PLEKHA7: variants seen among roughly 807,000 people sequenced by gnomAD.
PLEKHA7 encodes pleckstrin homology domain containing A7, also known as pleckstrin homology domain-containing family A member 7.
A neutral mutation model predicts 170.0 loss-of-function variants in PLEKHA7; 104 were observed. The ratio of observed to expected loss-of-function variants is 0.61; its 90% CI spans 0.52 to 0.72. The LOEUF is 0.72. Ranked by LOEUF, PLEKHA7 falls within the 30% of genes least tolerant of loss-of-function variation. PLEKHA7 has a pLI of 0.00. For missense variants in PLEKHA7, 1,615 were observed against 1,671.7 expected (o/e 0.97, Z 0.59); for synonymous variants, 648 against 660.8 (o/e 0.98, Z 0.30).
At chr11:16,982,780 T>C (rs868416907) in intron 3 of PLEKHA7, among the ~76,000 whole-genome samples, 37 of 144,112 alleles carry the variant, frequency 2.6e-4, no homozygotes, top group East Asian at 6.3e-4. Flanking sequence ...CACTATCCCC[T>C]ACACACACAC....
intron 3 of PLEKHA7, among the ~76,000 whole-genome samples, chr11:16,873,319 G>A (rs1855017722): frequency 6.6e-6 from 1 of 152,178 alleles, no homozygotes; most frequent in Non-Finnish European, 1.5e-5. Context: ...ATGTCCAGGT[G>A]TCTGGGGTAA....
intron 3 of PLEKHA7, among the ~76,000 whole-genome samples, chr11:16,999,865 G>T (rs1473592072): frequency 4.6e-5 from 7 of 152,076 alleles, no homozygotes; most frequent in African/African-American, 1.4e-4. Flanking sequence ...TGTGATAAAT[G>T]CTGACTCCCA....
At chr11:16,802,869 A>G (rs1367954252) in intron 15 of PLEKHA7, 103 bp downstream of exon 15, 1 of 1,009,840 alleles carries the variant, frequency 9.9e-7, no homozygotes, top group East Asian at 2.4e-5. Flanking sequence ...ATAAGCTAAC[A>G]TCTGCTCTTC....
chr11:16,904,884 T>C lies in PLEKHA7; in HGVS notation c.222-33702A>G, dbSNP rs553035070. On this transcript the variant is annotated intron_variant, in intron 3 of 26. Coordinates refer to ENST00000531066, the MANE Select transcript of PLEKHA7 (RefSeq NM_001329630.2). Reference sequence around the variant, plus strand: ...AAAATCATATATATGACTAAAAGCATGTTATGTAAAAAGACTTCTCACTAC... The same window carrying C: ...AAAATCATATATATGACTAAAAGCACGTTATGTAAAAAGACTTCTCACTAC... 2.5e-3 allele frequency among the ~76,000 whole-genome samples: 376 copies of C among 152,280 alleles called. 1 individual carries two copies. The highest frequency in any genetic ancestry group is 4.2e-3 in the Non-Finnish European group (283 of 68,020).
chr11:16,852,247 C>G lies in PLEKHA7; in HGVS notation c.595+36G>C, dbSNP rs777031867. 3 of 1,595,338 alleles carry G rather than the reference C, an allele frequency of 1.9e-6. No homozygotes were observed. The African/African-American group carries it at 4.0e-5, about 21-fold the overall frequency. The stretch of plus-strand genomic sequence containing the variant: ...AACCATCCACATATGTAAAACTGAA[C>G]ACTTCGGCAGGGTAATAGGCTACTT... On this transcript the variant is annotated intron_variant, in intron 7 of 26. Coordinates refer to ENST00000531066, the MANE Select transcript of PLEKHA7 (RefSeq NM_001329630.2).
rs753472835 is a variant in PLEKHA7, at chr11:16,817,063, C to T, written c.1603G>A (p.Gly535Ser). 19 of 1,611,144 alleles carry T rather than the reference C, an allele frequency of 1.2e-5. No homozygotes were observed. Among genetic ancestry groups the T allele is most frequent in the African/African-American group, 2.7e-5 (2 of 74,920 alleles). ...EWQQRQQFRH[G>S]SPTAPICLGS... ...AGGCAGATGGGCGCTGTGGGGCTGCCGTGCCGGAACTGCTGGCGCTGCTGC... is the reference window on the plus strand; with the variant it reads ...AGGCAGATGGGCGCTGTGGGGCTGCTGTGCCGGAACTGCTGGCGCTGCTGC... The change falls in exon 11 of 27, where the codon GGC (glycine) becomes AGC (serine). Residue 535 changes from glycine to serine, a missense_variant. Coordinates refer to ENST00000531066, the MANE Select transcript of PLEKHA7 (RefSeq NM_001329630.2). This position sits in a 1 kb window ranked among gnomAD's most constrained non-coding sequence, Gnocchi z 4.4.
intron 4 of PLEKHA7, among the ~76,000 whole-genome samples, chr11:16,866,486 G>T (rs1854404047): frequency 6.6e-6 from 1 of 152,104 alleles, no homozygotes; most frequent in Admixed American, 6.5e-5. Context: ...CAGCTACTCG[G>T]GAGACTGAGG....
At chr11:16,983,640 C>A (rs1332071785) in intron 3 of PLEKHA7, among the ~76,000 whole-genome samples, 7 of 152,206 alleles carry the variant, frequency 4.6e-5, no homozygotes, top group African/African-American at 1.7e-4. Flanking sequence ...AGATTCTTCT[C>A]CTGTCTCCAC....
At chr11:16,907,595 C>G (rs1462556505) in intron 3 of PLEKHA7, among the ~76,000 whole-genome samples, 1 of 123,878 alleles carries the variant, frequency 8.1e-6, no homozygotes, top group Non-Finnish European at 1.8e-5. Context: ...CCAGCCGCCC[C>G]GTCCGGGAGG....
At chr11:16,990,405 C>T (rs1324073469) in intron 3 of PLEKHA7, among the ~76,000 whole-genome samples, 3 of 151,922 alleles carry the variant, frequency 2.0e-5, no homozygotes, top group East Asian at 1.9e-4. Flanking sequence ...ATACAGCACT[C>T]GTACCTCACC....
chr11:16,799,427 G>C (rs927192649), intron 17 of PLEKHA7, among the ~76,000 whole-genome samples: 2 of 152,198 alleles, frequency 1.3e-5, no homozygotes, highest in Non-Finnish European at 2.9e-5. Context: ...AAGGGAGAGG[G>C]GGAAGAGGAA....
At chr11:16,840,444 C>T (rs929399199) in intron 9 of PLEKHA7, among the ~76,000 whole-genome samples, 1 of 152,124 alleles carries the variant, frequency 6.6e-6, no homozygotes, top group African/African-American at 2.4e-5. Context: ...CCTGTAATCC[C>T]AGCTACTCGG....
chr11:16,940,281 G>GTTTTT (rs71047516), intron 3 of PLEKHA7, among the ~76,000 whole-genome samples: 5 of 110,408 alleles, frequency 4.5e-5, no homozygotes, highest in African/African-American at 6.6e-5. Context: ...TTCTTCTGCT[G>GTTTTT]TTTTTTTTTT....
intron 3 of PLEKHA7, among the ~76,000 whole-genome samples, chr11:16,988,104 T>C (rs963132320): frequency 3.3e-5 from 5 of 152,220 alleles, no homozygotes; most frequent in Admixed American, 1.3e-4. Flanking sequence ...GAAGGACTGA[T>C]GTGATCCCCT....
At chr11:16,919,315 A>C (rs1302844789) in intron 3 of PLEKHA7, among the ~76,000 whole-genome samples, 1 of 152,216 alleles carries the variant, frequency 6.6e-6, no homozygotes, top group Non-Finnish European at 1.5e-5. Context: ...TCTGGTCCTC[A>C]CTTAACTAAA....
intron 3 of PLEKHA7, chr11:16,975,092 T>G: frequency 5.0e-6 from 3 of 603,798 alleles, no homozygotes; most frequent in Non-Finnish European, 7.0e-6. Flanking sequence ...TCTATGAGAT[T>G]TCATCACATG....
At chr11:16,949,762 C>G (rs960333432) in intron 3 of PLEKHA7, among the ~76,000 whole-genome samples, 5 of 151,952 alleles carry the variant, frequency 3.3e-5, no homozygotes, top group African/African-American at 1.2e-4. Flanking sequence ...CAATGTAAAC[C>G]AAGGCACGAT....
chr11:16,908,626 G>T (rs561955909), intron 3 of PLEKHA7, among the ~76,000 whole-genome samples: 1 of 152,040 alleles, frequency 6.6e-6, no homozygotes, highest in Admixed American at 6.6e-5. Context: ...CTCCCAAGTA[G>T]CTGGGATTAC....
intron 3 of PLEKHA7, among the ~76,000 whole-genome samples, chr11:16,901,000 A>G (rs1372095747): frequency 6.6e-6 from 1 of 152,008 alleles, no homozygotes; most frequent in Non-Finnish European, 1.5e-5. Flanking sequence ...GCCCGCCACC[A>G]CAGCCAGCTA....
Sources: gnomAD v4.1 joint callset for allele counts (sites outside exome capture counted in the v4.1 genomes callset) on GRCh38, gnomAD v4.1.1 for gene constraint, Gnocchi (gnomAD v3.1) non-coding constraint, MANE v1.5 for transcripts, NCBI Gene and HGNC (gene_info 2026-07-23, HGNC 2026-07-21) for gene names.